Variants in NOP14 observed in about 807,000 individuals in gnomAD.
NOP14 encodes NOP14 nucleolar protein.
NOP14 carries 57 observed loss-of-function variants against 101.6 expected under a neutral mutation model. The observed-to-expected ratio is 0.56, with a 90% CI of 0.45 to 0.70. The LOEUF (loss-of-function observed/expected upper bound fraction) is 0.70. NOP14 is among the 30% of genes least tolerant of loss of function. NOP14 has a pLI of 0.00. For synonymous variants in NOP14, 428 were observed against 424.0 expected (o/e 1.01, Z -0.12); for missense variants, 1,134 against 1,075.5 (o/e 1.05, Z -0.76).
At chr4:2,963,049 G>C in intron 1 of NOP14, 76 bp downstream of exon 1, 2 of 1,412,404 alleles carry the variant, frequency 1.4e-6, no homozygotes, top group Non-Finnish European at 1.9e-6. Flanking sequence ...CCGACGCACC[G>C]AGAAGGACGC....
At chr4:2,941,487 C>A in intron 15 of NOP14, 95 bp downstream of exon 15, 3 of 1,157,532 alleles carry the variant, frequency 2.6e-6, no homozygotes, top group Middle Eastern at 2.9e-4. Context: ...TGACTTACAG[C>A]TGCAGCATCA....
rs200377653 is a variant in NOP14, at chr4:2,945,211, T to A, written c.1654A>T (p.Thr552Ser). Residue 552 changes from threonine (T) to serine (S), a missense_variant, in exon 12 of 18, where the codon ACT becomes TCT. Transcript: ENST00000416614. Reference protein sequence around the residue: ...GLDVLIYLKITGLLFPTSDFW... With the variant: ...GLDVLIYLKISGLLFPTSDFW... ...TCGGAAGTTGGAAATAGCAGCCCAG[T>A]GATTTTCAAATAAATGAGCTGGAAA... 1.3e-6 allele frequency: 2 copies of A among 1,574,046 alleles called. No individual in the cohort carries two copies. The highest frequency in any genetic ancestry group is 4.6e-5 in the East Asian group (2 of 43,352).
chr4:2,960,787 CACATTAATATT>C (rs1560310867), intron 1 of NOP14, among the ~76,000 whole-genome samples: 5 of 117,988 alleles, frequency 4.2e-5, no homozygotes, highest in Non-Finnish European at 3.4e-5. Flanking sequence ...ATATTATAAT[CACATTAATATT>C]AATATATTAA....
intron 12 of NOP14, 74 bp from the exon 13 acceptor site, chr4:2,944,300 CTGA>C: frequency 7.0e-7 from 1 of 1,433,396 alleles, no homozygotes; most frequent in South Asian, 1.3e-5. Flanking sequence ...CCGGGCTTCC[CTGA>C]TGAACCACGC....
chr4:2,956,884 A>G, intron 2 of NOP14, 73 bp from the exon 3 acceptor site: 2 of 1,270,916 alleles, frequency 1.6e-6, no homozygotes, highest in East Asian at 2.4e-5. Context: ...GATAAGGTAG[A>G]TATATATATT....
At position 2,952,296 on chromosome 4, in the gene NOP14, C is replaced by G. The variant is rs1408301827; in HGVS notation, c.849G>C (p.Gln283His). 1 of 1,613,796 alleles carries G rather than the reference C, an allele frequency of 6.2e-7. No individual in the cohort carries two copies. Among genetic ancestry groups the G allele is most frequent in the Non-Finnish European group, 8.5e-7 (1 of 1,179,826 alleles). The change falls in exon 6 of 18, where the codon CAG (glutamine) becomes CAC (histidine). Residue 283 changes from glutamine to histidine, a missense_variant. By Grantham distance (24) the Gln-to-His change is conservative. Coordinates refer to ENST00000416614, the MANE Select transcript of NOP14 (RefSeq NM_001291978.2). ...CTACCTCCAGCTTCCTGAGGTGCTCCTGCTCTTCCTTTGCCAATTCTGCCT... is the reference window on the plus strand; with the variant it reads ...CTACCTCCAGCTTCCTGAGGTGCTCGTGCTCTTCCTTTGCCAATTCTGCCT... ...KTEAELAKEE[Q>H]EHLRKLEAER...
rs1251971747 is a variant in NOP14, at chr4:2,963,227, C to T, written c.93G>A (p.Pro31=). 3 of 1,588,970 alleles carry T rather than the reference C, an allele frequency of 1.9e-6. No individual in the cohort carries two copies. Among genetic ancestry groups the T allele is most frequent in the Non-Finnish European group, 2.6e-6 (3 of 1,170,206 alleles). The stretch of plus-strand genomic sequence containing the variant: ...TCTGCCTGTTAACTTTCACCTCGAA[C>T]GGATTGGAGTTGGCCTTCGCCGGGC... ...RGGPAKANSN[P]FEVKVNRQKF... Residue 31 remains proline, a synonymous_variant, in exon 1 of 18, where the codon CCG becomes CCA. Transcript: ENST00000416614.
At chr4:2,951,609 C>T (rs1331634296) in intron 6 of NOP14, among the ~76,000 whole-genome samples, 1 of 152,062 alleles carries the variant, frequency 6.6e-6, no homozygotes, top group African/African-American at 2.4e-5. Context: ...GCTCCACGGC[C>T]TCCACTATTT....
At chr4:2,956,962 A>C in intron 2 of NOP14, 151 bp from the exon 3 acceptor site, 1 of 648,338 alleles carries the variant, frequency 1.5e-6, no homozygotes, top group Non-Finnish European at 2.6e-6. Context: ...TCAACTAAGC[A>C]ATGATTCATG....
Position 2,963,242 on chromosome 4 carries a change from C to T in NOP14, c.78G>A (p.Lys26=), listed in dbSNP as rs1716280345. ...TCACCTCGAACGGATTGGAGTTGGC[C>T]TTCGCCGGGCCCCCTCGCGCTCCCG... ...APAGARGGPA[K]ANSNPFEVKV... The change falls in exon 1 of 18, where the codon AAG becomes AAA. Residue 26 remains lysine (K), a synonymous_variant. Coordinates refer to ENST00000416614, the MANE Select transcript of NOP14 (RefSeq NM_001291978.2). The T allele has an allele frequency of 3.8e-6, 6 of 1,590,680 alleles. No homozygotes were observed. The highest frequency in any genetic ancestry group is 1.4e-5 in the African/African-American group (1 of 71,924).
chr4:2,939,029 C>T, intron 17 of NOP14, 99 bp from the exon 18 acceptor site: 1 of 1,474,288 alleles, frequency 6.8e-7, no homozygotes, highest in Non-Finnish European at 9.5e-7. Context: ...CCACCGTGGC[C>T]ACGTTCAGTT....
intron 1 of NOP14, among the ~76,000 whole-genome samples, 163 bp downstream of exon 1, chr4:2,962,962 C>CA (rs1175152512): frequency 5.3e-5 from 8 of 152,198 alleles, no homozygotes; most frequent in African/African-American, 1.9e-4. Context: ...CACTCCAGCT[C>CA]AGAGAACAGC....
Position 2,950,868 on chromosome 4 carries a change from C to T in NOP14, c.1002+246G>A, listed in dbSNP as rs1714980608. The T allele has an allele frequency of 7.5e-6, 3 of 398,158 alleles. No homozygotes were observed. The Admixed American group carries it at 1.3e-4, about 17-fold the overall frequency. 24.7% of individuals were successfully genotyped at this position (398,158 alleles called of 1,614,324 possible). On this transcript the variant is annotated intron_variant, in intron 7 of 17. Coordinates refer to ENST00000416614, the MANE Select transcript of NOP14 (RefSeq NM_001291978.2). Reference sequence around the variant, plus strand: ...CGAGTAATCAGTTTTATCTGTGTTCCTTTGAGACAGAGAGAGAGAGTGAGA... The same window carrying T: ...CGAGTAATCAGTTTTATCTGTGTTCTTTTGAGACAGAGAGAGAGAGTGAGA...
rs771438755 is a variant in NOP14, at chr4:2,954,490, C to T, written c.546G>A (p.Glu182=). ...CTTTCCGGGACTTCGGTTTCTCCCG[C>T]TCCTCGCCTTCCTGTTGAGTCTTCT... ...LHKKTQQEGE[E]REKPKSRKEL... Residue 182 remains glutamate (E), a synonymous_variant, in exon 4 of 18, where the codon GAG becomes GAA. Coordinates refer to ENST00000416614, the MANE Select transcript of NOP14 (RefSeq NM_001291978.2). The T allele has an allele frequency of 1.9e-6, 3 of 1,614,136 alleles. No individual in the cohort carries two copies. The highest frequency in any genetic ancestry group is 2.5e-6 in the Non-Finnish European group (3 of 1,179,958).
intron 14 of NOP14, 122 bp downstream of exon 14, chr4:2,942,070 A>G (rs1242039167): frequency 3.9e-6 from 4 of 1,016,104 alleles, no homozygotes; most frequent in Non-Finnish European, 5.8e-6. Flanking sequence ...TTCGGCCTCC[A>G]TCAAACCAAA....
In NOP14 at chr4:2,942,280, CCT is replaced by C. The variant is rs752663755; in HGVS notation, c.1961_1962del (p.Glu654GlyfsTer17). ...CTGCTCTGCTGCCACGTGGCCACAT[CCT>C]CTCTAGCAGACACCACGAGCAGTTC... is the stretch of plus-strand genomic sequence containing the variant. The part of the protein sequence containing the change: ...NSELLVVSAR[E>X]DVATWQQSSL... On this transcript the variant is annotated frameshift_variant, in exon 14 of 18. Transcript: ENST00000416614. LOFTEE classifies it high-confidence loss of function. 2 of 1,614,054 alleles carry C rather than the reference CCT, an allele frequency of 1.2e-6. No homozygotes were observed. Among genetic ancestry groups the C allele is most frequent in the Non-Finnish European group, 1.7e-6 (2 of 1,180,052 alleles).
At chr4:2,939,912 G>A (rs561874905) in intron 15 of NOP14, among the ~76,000 whole-genome samples, 1 of 152,310 alleles carries the variant, frequency 6.6e-6, no homozygotes, top group African/African-American at 2.4e-5. Flanking sequence ...AGCACTCTCT[G>A]AAAGGAGGGG....
In NOP14 at chr4:2,946,624, C is replaced by T; in HGVS notation, c.1500-77G>A. 3.6e-6 allele frequency: 5 copies of T among 1,382,942 alleles called. No individual in the cohort carries two copies. The South Asian group carries it at 6.0e-5, about 17-fold the overall frequency. 85.7% of individuals were successfully genotyped at this position (1,382,942 alleles called of 1,614,324 possible). A position where few individuals can be genotyped will look rare whatever the true frequency, so the allele number is the denominator to read the frequency against. On this transcript the variant is annotated intron_variant, in intron 10 of 17. Coordinates refer to ENST00000416614, the MANE Select transcript of NOP14 (RefSeq NM_001291978.2). ...CAGAAAAGCCCTGCAAGCCACTTTC[C>T]TATGCAGTCACCTGTTGACTGAGCA...
chr4:2,962,596 C>G (rs989833403), intron 1 of NOP14, among the ~76,000 whole-genome samples: 10 of 152,008 alleles, frequency 6.6e-5, no homozygotes, highest in African/African-American at 2.4e-4. Flanking sequence ...TTAGGAAATG[C>G]ACTTGTCCTT....
Sources: allele counts gnomAD v4.1 joint callset (sites outside exome capture counted in the v4.1 genomes callset), GRCh38; gene constraint gnomAD v4.1.1; transcripts MANE v1.5; gene names NCBI Gene and HGNC (gene_info 2026-07-23, HGNC 2026-07-21).